Variants in SMC6 observed in about 807,000 individuals in gnomAD.
SMC6 encodes structural maintenance of chromosomes protein 6.
A neutral mutation model predicts 142.2 loss-of-function variants in SMC6; 79 were observed. The observed-to-expected ratio is 0.56, with a 90% CI of 0.46 to 0.67. SMC6 has a LOEUF of 0.67. SMC6 is among the 30% of genes least tolerant of loss of function. The probability of loss-of-function intolerance (pLI) is 0.00; values close to 1 mark genes in which losing one functional copy is unlikely to be tolerated. For synonymous variants in SMC6, 411 were observed against 412.4 expected (o/e 1.00, Z 0.04); for missense variants, 1,072 against 1,284.0 (o/e 0.83, Z 2.52).
chr2:17,739,837 CACACACAG>C (rs1167377357), intron 4 of SMC6, among the ~76,000 whole-genome samples: 16 of 104,528 alleles, frequency 1.5e-4, no homozygotes, highest in African/African-American at 7.7e-4. Flanking sequence ...CACACACACA[CACACACAG>C]ACACACACAC....
chr2:17,714,186 C>G (rs1224282286), intron 16 of SMC6, among the ~76,000 whole-genome samples: 1 of 151,532 alleles, frequency 6.6e-6, no homozygotes, highest in Non-Finnish European at 1.5e-5. Context: ...ACCTCCACCT[C>G]CTAGGCTCAA....
chr2:17,682,649 T>C (rs1464655767), intron 24 of SMC6, among the ~76,000 whole-genome samples: 5 of 152,122 alleles, frequency 3.3e-5, no homozygotes, highest in African/African-American at 1.2e-4. Context: ...AGTGAAAACC[T>C]TGTGATTTAC....
rs150035660 is a variant in SMC6 at position 17,697,969 on chromosome 2, G to A, written c.2395-1543C>T. On this transcript the variant is annotated intron_variant, in intron 21 of 27. Coordinates refer to ENST00000448223, the MANE Select transcript of SMC6 (RefSeq NM_001142286.2). ...TGACTAGGCAATAAAAAGTAATAAA[G>A]TTCTGACACATGCTACAACCTGGAT... Among the ~76,000 whole-genome samples the A allele has an allele frequency of 4.3e-3, 648 of 152,088 alleles. 7 individuals are homozygous for A. The highest frequency in any genetic ancestry group is 0.015 in the African/African-American group (605 of 41,550).
chr2:17,695,041 T>C (rs1368140096), intron 23 of SMC6, 111 bp downstream of exon 23: 11 of 1,173,476 alleles, frequency 9.4e-6, no homozygotes, highest in African/African-American at 1.5e-5. Flanking sequence ...CTATAACTAT[T>C]TGCTATAGTA....
At position 17,750,280 on chromosome 2, in the gene SMC6, A is replaced by C. The variant is rs556828768; in HGVS notation, c.-6+2698T>G. On this transcript the variant is annotated intron_variant, in intron 2 of 27. Coordinates refer to ENST00000448223, the MANE Select transcript of SMC6 (RefSeq NM_001142286.2). ...TGGTAATATCAGGGACAAAGGGAAG[A>C]GATAAAACAAGAGATTTAAAAGACT... 1.3e-4 allele frequency among the ~76,000 whole-genome samples: 20 copies of C among 152,356 alleles called. 1 individual carries two copies. The highest frequency in any genetic ancestry group is 3.9e-4 in the East Asian group (2 of 5,190).
chr2:17,738,402 A>G (rs1038300132), intron 4 of SMC6, 76 bp from the exon 5 acceptor site: 1 of 947,530 alleles, frequency 1.1e-6, no homozygotes, highest in Non-Finnish European at 1.6e-6. Context: ...ATGTAATGCA[A>G]AAAGATTTAT....
intron 3 of SMC6, among the ~76,000 whole-genome samples, chr2:17,743,933 T>C (rs1044024104): frequency 1.3e-5 from 2 of 152,226 alleles, no homozygotes; most frequent in Non-Finnish European, 2.9e-5. Context: ...TTAATACTAA[T>C]AGTGCATCGT....
chr2:17,701,992 G>T (rs1668291434), intron 19 of SMC6, 83 bp from the exon 20 acceptor site: 1 of 706,496 alleles, frequency 1.4e-6, no homozygotes, highest in Non-Finnish European at 2.4e-6. Flanking sequence ...AATCTACAAA[G>T]CTCTATAATG....
chr2:17,714,315 A>G (rs1668975296), intron 16 of SMC6, among the ~76,000 whole-genome samples: 1 of 151,958 alleles, frequency 6.6e-6, no homozygotes, highest in African/African-American at 2.4e-5. Context: ...GCTCGTCTTG[A>G]ACTCCTGAGC....
chr2:17,702,691 CTT>C (rs1272385548), intron 19 of SMC6, among the ~76,000 whole-genome samples: 1 of 152,106 alleles, frequency 6.6e-6, no homozygotes, highest in Non-Finnish European at 1.5e-5. Context: ...ATGGAGGCAG[CTT>C]CCCCCCTACT....
At chr2:17,727,622 T>C (rs1053308129) in intron 7 of SMC6, among the ~76,000 whole-genome samples, 5 of 151,932 alleles carry the variant, frequency 3.3e-5, no homozygotes, top group African/African-American at 1.2e-4. Flanking sequence ...CAAAGTACAA[T>C]TGGAAAAGTA....
chr2:17,668,330 G>GA (rs542342876), intron 26 of SMC6, among the ~76,000 whole-genome samples: 6 of 152,172 alleles, frequency 3.9e-5, no homozygotes, highest in Admixed American at 1.3e-4. Flanking sequence ...TAGTATCATA[G>GA]AAAAAAATTG....
chr2:17,741,812 C>T, intron 3 of SMC6, 83 bp from the exon 4 acceptor site: 1 of 810,916 alleles, frequency 1.2e-6, no homozygotes, highest in Non-Finnish European at 1.9e-6. Context: ...ATCAGAAAGA[C>T]TAGCACCATC....
intron 20 of SMC6, among the ~76,000 whole-genome samples, chr2:17,701,163 A>C (rs1028880041): frequency 6.6e-6 from 1 of 151,736 alleles, no homozygotes; most frequent in Admixed American, 6.6e-5. Flanking sequence ...GACAAATTCT[A>C]ATCAGGGTAA....
At chr2:17,690,308 C>T (rs1029869682) in intron 23 of SMC6, among the ~76,000 whole-genome samples, 1 of 152,088 alleles carries the variant, frequency 6.6e-6, no homozygotes, top group Non-Finnish European at 1.5e-5. Context: ...AAACAACTGC[C>T]TGTGGCCAGG....
In SMC6 at chr2:17,700,307, A is replaced by G; in HGVS notation, c.2295T>C (p.Asn765=). The change falls in exon 21 of 28, where the codon AAT becomes AAC. Residue 765 remains asparagine (N), a synonymous_variant. Transcript: ENST00000448223. The part of the protein sequence containing the change: ...VEEHMEQQKE[N]MEHLKSLKIE... ...TTTTCAGACTTTTAAGATGCTCCAT[A>G]TTTTCTTTTTGTTGCTCCATATGTT... 6.2e-7 allele frequency: 1 copy of G among 1,611,382 alleles called. No individual in the cohort carries two copies. The highest frequency in any genetic ancestry group is 8.5e-7 in the Non-Finnish European group (1 of 1,178,892).
intron 9 of SMC6, among the ~76,000 whole-genome samples, chr2:17,723,427 C>T (rs7598718): frequency 0.08 from 12,153 of 152,256 alleles, 914 homozygotes; most frequent in African/African-American, 0.2. Flanking sequence ...TCTCTCACAC[C>T]TGTGTTTTAC....
At chr2:17,681,489 T>C (rs1451324473) in intron 24 of SMC6, 1 of 152,216 alleles carries the variant, frequency 6.6e-6, no homozygotes, top group Non-Finnish European at 1.5e-5. Context: ...TTTCTAGCTT[T>C]TGATTTAAAG....
chr2:17,732,943 A>G (rs896207688), intron 5 of SMC6, among the ~76,000 whole-genome samples: 1 of 152,198 alleles, frequency 6.6e-6, no homozygotes, highest in Non-Finnish European at 1.5e-5. Context: ...GTGTACTCCA[A>G]CTTGTGTTAA....
Sources: gnomAD v4.1 joint callset for allele counts (sites outside exome capture counted in the v4.1 genomes callset) on GRCh38, gnomAD v4.1.1 for gene constraint, MANE v1.5 for transcripts, NCBI Gene and HGNC (gene_info 2026-07-23, HGNC 2026-07-21) for gene names.